The following MRC1 variants were observed in gnomAD, a reference collection of about 807,000 sequenced individuals.
MRC1 encodes mannose receptor C-type 1, also known as macrophage mannose receptor 1.
MRC1 carries 62 observed loss-of-function variants against 102.9 expected under a neutral mutation model. That is an observed-to-expected ratio of 0.60 (90% CI 0.49 to 0.74). MRC1 has a LOEUF of 0.74. Among genes scored for constraint, MRC1 ranks in the 30% least tolerant of loss-of-function variants. The pLI, the probability that MRC1 is intolerant of heterozygous loss-of-function variation, is 0.00. For synonymous variants in MRC1, 457 were observed against 298.4 expected, an observed-to-expected ratio of 1.53 and a Z score of -5.48; for missense variants, 1,237 against 862.8, an observed-to-expected ratio of 1.43 and a Z score of -5.43.
At chr10:17,849,808 G>T in intron 7 of MRC1, 44 bp downstream of exon 7, 1 of 750,360 alleles carries the variant, frequency 1.3e-6, no homozygotes, top group Non-Finnish European at 2.5e-6. Flanking sequence ...TTAATCCTGG[G>T]AGCACCCCTT....
intron 8 of MRC1, 60 bp from the exon 9 acceptor site, chr10:17,856,182 A>C: frequency 1.3e-6 from 1 of 746,532 alleles, no homozygotes; most frequent in Non-Finnish European, 2.3e-6. Flanking sequence ...AAAAAAAAAA[A>C]AAAAAAAGGT....
At position 17,875,146 on chromosome 10, in the gene MRC1, A is replaced by G. The variant is rs1833411892; in HGVS notation, c.2443A>G (p.Ser815Gly). 3 of 780,898 alleles carry G rather than the reference A, an allele frequency of 3.8e-6. No individual in the cohort carries two copies. The Admixed American group carries it at 5.1e-5, about 13-fold the overall frequency. The allele number at this position is 780,898 out of a possible 1,614,324, so 48.4% of individuals were successfully genotyped here. ...TTACAAAGACTACCAGTATTATTTC[A>G]GCAAAGAGAAGGAAACCATGGACAA... ...VIYKDYQYYF[S>G]KEKETMDNAR... is the part of the protein sequence containing the mutation. Residue 815 changes from serine (S) to glycine (G), a missense_variant, in exon 17 of 30, where the codon AGC (serine) becomes GGC (glycine). Transcript: ENST00000569591.
chr10:17,820,600 T>C (rs979928801), intron 1 of MRC1, among the ~76,000 whole-genome samples: 2 of 152,086 alleles, frequency 1.3e-5, no homozygotes, highest in Non-Finnish European at 2.9e-5. Flanking sequence ...ATGGCCAAAG[T>C]ATAAGGTGGA....
chr10:17,852,872 C>T (rs1838937575), intron 7 of MRC1, 95 bp from the exon 8 acceptor site: 2 of 777,534 alleles, frequency 2.6e-6, no homozygotes, highest in Non-Finnish European at 2.4e-6. Context: ...GAGGTAGAGC[C>T]CTGTTGATAA....
At chr10:17,898,292 T>C in intron 24 of MRC1, 26 bp downstream of exon 24, 1 of 780,810 alleles carries the variant, frequency 1.3e-6, no homozygotes, top group Non-Finnish European at 2.4e-6. Flanking sequence ...TATGTGCAAC[T>C]TGACATGATC....
At chr10:17,838,966 A>G (rs1838710448) in intron 4 of MRC1, among the ~76,000 whole-genome samples, 1 of 152,202 alleles carries the variant, frequency 6.6e-6, no homozygotes, top group South Asian at 2.1e-4. Context: ...TTTGTGGACA[A>G]CACCCATCTG....
At chr10:17,830,318 G>A (rs1441202664) in intron 3 of MRC1, among the ~76,000 whole-genome samples, 1 of 151,092 alleles carries the variant, frequency 6.6e-6, no homozygotes, top group Non-Finnish European at 1.5e-5. Context: ...TTTGAGTAGA[G>A]AAGGGGTTTC....
At chr10:17,858,560 T>C (rs1368133451) in intron 9 of MRC1, among the ~76,000 whole-genome samples, 2 of 152,224 alleles carry the variant, frequency 1.3e-5, no homozygotes, top group Non-Finnish European at 2.9e-5. Flanking sequence ...TGATATTAGC[T>C]CACTGCAACC....
chr10:17,892,311 T>A (rs1048688784), intron 22 of MRC1, among the ~76,000 whole-genome samples: 9 of 152,298 alleles, frequency 5.9e-5, no homozygotes, highest in Admixed American at 2.6e-4. Flanking sequence ...GCCAACAGTT[T>A]TTAATTTTCA....
At chr10:17,844,555 T>C (rs1451542359) in intron 5 of MRC1, among the ~76,000 whole-genome samples, 1 of 152,194 alleles carries the variant, frequency 6.6e-6, no homozygotes, top group Non-Finnish European at 1.5e-5. Flanking sequence ...TGGAACATCA[T>C]GTATTCTTTC....
At chr10:17,909,371 G>A (rs1833938884) in intron 29 of MRC1, 24 bp downstream of exon 29, 2 of 865,108 alleles carry the variant, frequency 2.3e-6, no homozygotes, top group African/African-American at 1.6e-5. Flanking sequence ...AAAATTTCAA[G>A]TTCTGTGTTA....
chr10:17,823,118 G>T lies in MRC1; in HGVS notation c.106G>T (p.Val36Leu). The T allele has an allele frequency of 1.3e-6, 1 of 780,854 alleles. No individual in the cohort carries two copies. Among genetic ancestry groups the T allele is most frequent in the Non-Finnish European group, 2.4e-6 (1 of 417,962 alleles). 48.4% of individuals were successfully genotyped at this position (780,854 alleles called of 1,614,324 possible). The part of the protein sequence containing the change: ...LIYNEDHKRC[V>L]DAVSPSAVQT... ...CTATAATGAAGATCACAAGCGCTGC[G>T]TGGATGCAGTGAGTCCCAGTGCCGT... The change falls in exon 2 of 30, where the codon GTG becomes TTG. Residue 36 changes from valine (V) to leucine (L), a missense_variant. Transcript: ENST00000569591.
intron 6 of MRC1, among the ~76,000 whole-genome samples, chr10:17,846,888 A>T (rs1412262036): frequency 6.6e-6 from 1 of 152,224 alleles, no homozygotes; most frequent in Non-Finnish European, 1.5e-5. Context: ...AACAGTCCTG[A>T]GGTAAATAAC....
intron 22 of MRC1, among the ~76,000 whole-genome samples, chr10:17,892,601 G>C (rs887423603): frequency 5.3e-5 from 8 of 152,114 alleles, no homozygotes; most frequent in Non-Finnish European, 1.0e-4. Flanking sequence ...TCCAACTAGA[G>C]ACTTAAGTTC....
chr10:17,825,348 T>G (rs1838457615), intron 2 of MRC1, among the ~76,000 whole-genome samples: 1 of 152,142 alleles, frequency 6.6e-6, no homozygotes, highest in Non-Finnish European at 1.5e-5. Flanking sequence ...GAAGACAAAT[T>G]GACTGCAGTT....
At chr10:17,872,838 A>C (rs1833373067) in intron 15 of MRC1, among the ~76,000 whole-genome samples, 2 of 152,180 alleles carry the variant, frequency 1.3e-5, no homozygotes, top group South Asian at 4.1e-4. Flanking sequence ...CCTTGAACCA[A>C]AATATACATC....
intron 6 of MRC1, among the ~76,000 whole-genome samples, chr10:17,845,952 C>T (rs1840168260): frequency 6.6e-6 from 1 of 152,190 alleles, no homozygotes; most frequent in African/African-American, 2.4e-5. Context: ...TTCTGTCACC[C>T]AGGCTGGAGT....
At chr10:17,885,107 A>C (rs974387044) in intron 21 of MRC1, among the ~76,000 whole-genome samples, 162 bp from the exon 22 acceptor site, 3 of 152,232 alleles carry the variant, frequency 2.0e-5, no homozygotes. Flanking sequence ...TGACAACACA[A>C]TGCTGATATT....
Position 17,870,849 on chromosome 10 carries a change from G to C in MRC1, c.2113G>C (p.Ala705Pro), listed in dbSNP as rs1272047909. The stretch of plus-strand genomic sequence containing the variant: ...TTCTTTATGTTTTGGATTTCATAGA[G>C]CTAGTGGAAGCTACCACAAACTGTT... ...EQQTIWRLIT[A>P]SGSYHKLFWL... The change falls in exon 14 of 30, where the codon GCT becomes CCT. Residue 705 changes from alanine to proline, a missense_variant and splice_region_variant. By Grantham distance (27) the Ala-to-Pro change is conservative. Transcript: ENST00000569591. The C allele has an allele frequency of 1.1e-6, 1 of 872,260 alleles. No individual in the cohort carries two copies. Among genetic ancestry groups the C allele is most frequent in the Admixed American group, 1.7e-5 (1 of 59,150 alleles). The allele number at this position is 872,260 out of a possible 1,614,324, so 54.0% of individuals were successfully genotyped here. A position where few individuals can be genotyped will look rare whatever the true frequency, so the allele number is the denominator to read the frequency against.
Sources: gnomAD v4.1 joint callset for allele counts (sites outside exome capture counted in the v4.1 genomes callset) on GRCh38, gnomAD v4.1.1 for gene constraint, MANE v1.5 for transcripts, NCBI Gene and HGNC (gene_info 2026-07-23, HGNC 2026-07-21) for gene names.